The following DAB1 variants were observed in gnomAD, a reference collection of about 807,000 sequenced individuals.
DAB1 encodes the protein DAB adaptor protein 1, also known as disabled homolog 1.
In DAB1, 15 loss-of-function variants were observed where a neutral mutation model predicts 64.6. The observed-to-expected ratio is 0.23, with a 90% confidence interval of 0.16 to 0.36. The LOEUF (loss-of-function observed/expected upper bound fraction) is 0.36. Among genes scored for constraint, DAB1 ranks in the 10% least tolerant of loss-of-function variants. DAB1 has a pLI of 1.00. For missense variants in DAB1, 596 were observed against 706.7 expected (o/e 0.84, Z 1.78); for synonymous variants, 235 against 251.9 (o/e 0.93, Z 0.64).
chr1:57,639,814 G>T (rs1193208632), intron 7 of DAB1, among the ~76,000 whole-genome samples: 3 of 152,296 alleles, frequency 2.0e-5, no homozygotes, highest in Non-Finnish European at 2.9e-5. Flanking sequence ...GAATCAACAA[G>T]TGCTCTAGAT....
chr1:57,904,456 CG>C (rs778169589), intron 5 of DAB1, among the ~76,000 whole-genome samples: 4 of 152,006 alleles, frequency 2.6e-5, no homozygotes, highest in Non-Finnish European at 5.9e-5. Flanking sequence ...TGTATTCTCA[CG>C]TATCAAAGCA....
At chr1:58,096,643 G>C (rs1651001960) in intron 5 of DAB1, among the ~76,000 whole-genome samples, 1 of 152,182 alleles carries the variant, frequency 6.6e-6, no homozygotes, top group East Asian at 1.9e-4. Flanking sequence ...ACCCAGAAAA[G>C]TCTTCTTTCT....
At chr1:58,391,037 T>C (rs1173705120) in intron 3 of DAB1, among the ~76,000 whole-genome samples, 1 of 152,144 alleles carries the variant, frequency 6.6e-6, no homozygotes. Flanking sequence ...ATCATACAGA[T>C]GAATATATCA....
At chr1:57,956,073 AGAATCTGTTG>A (rs1645385953) in intron 5 of DAB1, among the ~76,000 whole-genome samples, 2 of 152,274 alleles carry the variant, frequency 1.3e-5, no homozygotes, top group East Asian at 3.9e-4. Flanking sequence ...GATCAGGAAA[AGAATCTGTTG>A]TGTCAGAGGA....
At chr1:57,560,261 C>G (rs1382402899) in intron 7 of DAB1, among the ~76,000 whole-genome samples, 1 of 152,228 alleles carries the variant, frequency 6.6e-6, no homozygotes, top group Non-Finnish European at 1.5e-5. Flanking sequence ...AGCTTGATCA[C>G]TTTTTGCTTC....
intron 4 of DAB1, among the ~76,000 whole-genome samples, chr1:58,282,311 A>G (rs1024193558): frequency 6.6e-6 from 1 of 152,102 alleles, no homozygotes; most frequent in Admixed American, 6.6e-5. Flanking sequence ...ACTTGACTGG[A>G]AACTGCTTAA....
intron 11 of DAB1, among the ~76,000 whole-genome samples, chr1:57,016,827 C>G (rs1274554079): frequency 6.6e-6 from 1 of 152,192 alleles, no homozygotes; most frequent in Non-Finnish European, 1.5e-5. Flanking sequence ...TAAATGCCTA[C>G]AACACGCCAC....
chr1:57,657,297 C>T (rs1646330521), intron 6 of DAB1, among the ~76,000 whole-genome samples: 1 of 152,198 alleles, frequency 6.6e-6, no homozygotes, highest in South Asian at 2.1e-4. Flanking sequence ...ATGAGGGTAG[C>T]AGAGCCAGCA....
chr1:58,085,913 G>C (rs1383635125), intron 5 of DAB1, among the ~76,000 whole-genome samples: 2 of 148,804 alleles, frequency 1.3e-5, no homozygotes, highest in Non-Finnish European at 3.0e-5. Context: ...GTCTGGGAAA[G>C]GAATTCATTA....
At chr1:58,315,994 A>C (rs1196036101) in intron 4 of DAB1, among the ~76,000 whole-genome samples, 1 of 152,218 alleles carries the variant, frequency 6.6e-6, no homozygotes, top group African/African-American at 2.4e-5. Flanking sequence ...AAAGAGCCAA[A>C]GTTTGGAATC....
At chr1:58,412,119 C>G (rs1644677984) in intron 3 of DAB1, among the ~76,000 whole-genome samples, 1 of 152,170 alleles carries the variant, frequency 6.6e-6, no homozygotes, top group Non-Finnish European at 1.5e-5. Context: ...TTATCTTTTT[C>G]TGTTGGAACT....
chr1:58,494,328 T>C (rs1645754310), intron 3 of DAB1, among the ~76,000 whole-genome samples: 3 of 152,002 alleles, frequency 2.0e-5, no homozygotes. Context: ...GAAGAAAACC[T>C]AGGCAATACC....
At chr1:57,442,487 A>G (rs1685992516) in intron 7 of DAB1, among the ~76,000 whole-genome samples, 1 of 152,226 alleles carries the variant, frequency 6.6e-6, no homozygotes, top group Admixed American at 6.5e-5. Context: ...GCCATGCCAG[A>G]TAAGCATTAA....
chr1:58,070,745 A>G (rs2764683), intron 5 of DAB1, among the ~76,000 whole-genome samples: 128,118 of 152,124 alleles, frequency 0.84, 54,572 homozygotes, highest in South Asian at 0.92. Context: ...TAGAAGGCCA[A>G]TGGAGGCCCA....
intron 1 of DAB1, among the ~76,000 whole-genome samples, chr1:57,375,589 G>A (rs1680830015): frequency 6.6e-6 from 1 of 152,108 alleles, no homozygotes; most frequent in African/African-American, 2.4e-5. Context: ...CTAAACATAA[G>A]GGCCAGCATT....
chr1:58,025,757 G>T (rs1486032671), intron 5 of DAB1, among the ~76,000 whole-genome samples: 1 of 147,220 alleles, frequency 6.8e-6, no homozygotes, highest in African/African-American at 2.5e-5. Flanking sequence ...CTCTGTCTTT[G>T]GGGTCCCCCT....
At chr1:58,441,055 G>A (rs769105322) in intron 3 of DAB1, among the ~76,000 whole-genome samples, 14 of 152,124 alleles carry the variant, frequency 9.2e-5, no homozygotes, top group Non-Finnish European at 1.6e-4. Flanking sequence ...ATTATCTGTC[G>A]GTCGTTGGTT....
rs563428633 is a variant in DAB1 at position 58,233,054 on chromosome 1, T to G, written n.310-82466A>C. Among the ~76,000 whole-genome samples, 29 of 152,344 alleles carry G rather than the reference T, an allele frequency of 1.9e-4. No homozygotes were observed. The South Asian group carries it at 6.0e-3, about 32-fold the overall frequency. ...ATAGTAGAGACTCAATAAATATCTG[T>G]TGAATAAATGAACAAGTGCCAGATA... On this transcript the variant is annotated intron_variant and non_coding_transcript_variant, in intron 4 of 20. Coordinates refer to the DAB1 transcript ENST00000485760.
intron 6 of DAB1, among the ~76,000 whole-genome samples, chr1:57,767,307 TA>T (rs1188717515): frequency 1.3e-5 from 2 of 152,098 alleles, no homozygotes; most frequent in African/African-American, 4.8e-5. Context: ...GTGTTATGAA[TA>T]ACAAAAGATA....
Sources: gnomAD v4.1 joint callset for allele counts (sites outside exome capture counted in the v4.1 genomes callset) on GRCh38, gnomAD v4.1.1 for gene constraint, MANE v1.5 for transcripts, NCBI Gene and HGNC (gene_info 2026-07-23, HGNC 2026-07-21) for gene names.